The following CCBE1 variants were observed in gnomAD, a reference collection of about 807,000 sequenced individuals.
The protein encoded by CCBE1 is collagen and calcium binding EGF domains 1.
CCBE1 carries 37 observed loss-of-function variants against 50.0 expected under a neutral mutation model. The observed-to-expected ratio is 0.74, with a 90% CI of 0.57 to 0.97. CCBE1 has a LOEUF of 0.97. CCBE1 is among the 50% of genes least tolerant of loss of function. The probability of loss-of-function intolerance (pLI) is 0.00; values close to 1 mark genes in which losing one functional copy is unlikely to be tolerated. For synonymous variants in CCBE1, 234 were observed against 203.7 expected (o/e 1.15, Z -1.27); for missense variants, 538 against 523.8 (o/e 1.03, Z -0.26).
At position 59,662,257 on chromosome 18, in the gene CCBE1, G is replaced by A. The variant is rs534164346; in HGVS notation, c.212+34372C>T. ...ATAGTCCCATTCTGTGACCTCAGCT[G>A]GGAACGTGCATAGTGGGACACTCAT... On this transcript the variant is annotated intron_variant, in intron 2 of 10. Transcript: ENST00000439986. 4.6e-5 allele frequency among the ~76,000 whole-genome samples: 7 copies of A among 152,316 alleles called. 1 individual carries two copies. The East Asian group carries it at 9.7e-4, about 21-fold the overall frequency.
At chr18:59,507,431 C>T (rs572884128) in intron 2 of CCBE1, among the ~76,000 whole-genome samples, 237 of 152,340 alleles carry the variant, frequency 1.6e-3, no homozygotes, top group African/African-American at 5.6e-3. Flanking sequence ...ATAGCCAAGG[C>T]AATATGACCT....
intron 2 of CCBE1, among the ~76,000 whole-genome samples, chr18:59,494,248 C>T (rs1200387221): frequency 6.6e-6 from 1 of 152,196 alleles, no homozygotes; most frequent in Non-Finnish European, 1.5e-5. Flanking sequence ...AAGGGGCACC[C>T]ATCCTCATTC....
At chr18:59,578,164 A>C (rs1192472733) in intron 2 of CCBE1, among the ~76,000 whole-genome samples, 2 of 152,202 alleles carry the variant, frequency 1.3e-5, no homozygotes, top group African/African-American at 4.8e-5. Context: ...CACTTCTTAA[A>C]AGAAGACATT....
chr18:59,550,992 G>A (rs1309413462), intron 2 of CCBE1, among the ~76,000 whole-genome samples: 7 of 67,488 alleles, frequency 1.0e-4, no homozygotes, highest in East Asian at 3.6e-4. Flanking sequence ...GCAACACAGC[G>A]AGACTCAAAA....
intron 2 of CCBE1, among the ~76,000 whole-genome samples, chr18:59,693,704 C>T (rs1184333002): frequency 1.3e-5 from 2 of 152,078 alleles, no homozygotes; most frequent in Admixed American, 6.6e-5. Flanking sequence ...TCGTTTTATA[C>T]TCAAACATTT....
intron 2 of CCBE1, among the ~76,000 whole-genome samples, chr18:59,690,676 T>G (rs1485702299): frequency 3.9e-5 from 6 of 152,234 alleles, no homozygotes; most frequent in Admixed American, 1.3e-4. Flanking sequence ...GACACACCAG[T>G]GAAAGAGCAG....
chr18:59,645,802 T>G (rs776332285), intron 2 of CCBE1, among the ~76,000 whole-genome samples: 5 of 152,080 alleles, frequency 3.3e-5, no homozygotes, highest in Admixed American at 6.5e-5. Context: ...GAGGCCAAGG[T>G]GGGCGGATCA....
chr18:59,543,762 G>A (rs573993845), intron 2 of CCBE1, among the ~76,000 whole-genome samples: 1 of 149,350 alleles, frequency 6.7e-6, no homozygotes, highest in East Asian at 2.0e-4. Flanking sequence ...GTGAACCCGG[G>A]AGGTGGAGCT....
At chr18:59,513,863 G>A (rs915406364) in intron 2 of CCBE1, among the ~76,000 whole-genome samples, 23 of 151,990 alleles carry the variant, frequency 1.5e-4, no homozygotes, top group African/African-American at 3.6e-4. Context: ...TGTTATGCCC[G>A]GCTGTCTCCC....
At chr18:59,677,542 G>A (rs760856832) in intron 2 of CCBE1, among the ~76,000 whole-genome samples, 6 of 152,014 alleles carry the variant, frequency 3.9e-5, no homozygotes, top group Admixed American at 2.6e-4. Context: ...GTCTATACAC[G>A]CCACCAAAAT....
intron 2 of CCBE1, among the ~76,000 whole-genome samples, chr18:59,533,294 C>T (rs1384940691): frequency 6.6e-6 from 1 of 152,178 alleles, no homozygotes; most frequent in Non-Finnish European, 1.5e-5. Flanking sequence ...TTCCATCACT[C>T]CCGATTATGA....
intron 2 of CCBE1, among the ~76,000 whole-genome samples, chr18:59,535,110 G>T (rs1383445518): frequency 1.3e-5 from 2 of 152,248 alleles, no homozygotes; most frequent in East Asian, 3.9e-4. Flanking sequence ...AAATGTCTTT[G>T]ATCTTAGACG....
At chr18:59,603,652 T>A (rs1027265863) in intron 2 of CCBE1, among the ~76,000 whole-genome samples, 1 of 152,242 alleles carries the variant, frequency 6.6e-6, no homozygotes, top group African/African-American at 2.4e-5. Flanking sequence ...AGCATTATCT[T>A]CCTACTACAA....
chr18:59,622,507 G>GA (rs34431958), intron 2 of CCBE1, among the ~76,000 whole-genome samples: 4,008 of 131,794 alleles, frequency 0.03, 182 homozygotes, highest in African/African-American at 0.1. Flanking sequence ...TCATCTTAAA[G>GA]AAAAAAAAAA....
intron 2 of CCBE1, among the ~76,000 whole-genome samples, chr18:59,522,833 A>G (rs1242732445): frequency 2.0e-5 from 3 of 151,934 alleles, no homozygotes; most frequent in Admixed American, 2.0e-4. Flanking sequence ...ACTAAGAAAA[A>G]TACAAAAAAT....
At chr18:59,657,224 C>T (rs1302061315) in intron 2 of CCBE1, among the ~76,000 whole-genome samples, 1 of 152,210 alleles carries the variant, frequency 6.6e-6, no homozygotes, top group Non-Finnish European at 1.5e-5. Context: ...AGACCTAGGA[C>T]AGATGTGTGC....
At chr18:59,573,496 C>A (rs1286492749) in intron 2 of CCBE1, among the ~76,000 whole-genome samples, 1 of 151,522 alleles carries the variant, frequency 6.6e-6, no homozygotes, top group Non-Finnish European at 1.5e-5. Context: ...GAAGCACCAC[C>A]AATTGTGTGA....
chr18:59,686,401 G>A (rs2054653771), intron 2 of CCBE1, among the ~76,000 whole-genome samples: 1 of 152,222 alleles, frequency 6.6e-6, no homozygotes, highest in Non-Finnish European at 1.5e-5. Flanking sequence ...TGGTTGAGAA[G>A]AACACAGGCT....
intron 2 of CCBE1, among the ~76,000 whole-genome samples, chr18:59,544,730 G>A (rs1915615508): frequency 6.6e-6 from 1 of 152,106 alleles, no homozygotes; most frequent in Non-Finnish European, 1.5e-5. Context: ...CAAAGAAAGG[G>A]CATTTTAAAA....
Sources: gnomAD v4.1 joint callset for allele counts (sites outside exome capture counted in the v4.1 genomes callset) on GRCh38, gnomAD v4.1.1 for gene constraint, MANE v1.5 for transcripts, NCBI Gene and HGNC (gene_info 2026-07-23, HGNC 2026-07-21) for gene names.